Variants in PLD5 observed in about 807,000 individuals in gnomAD.
PLD5 encodes inactive phospholipase D5.
Under a neutral mutation model 61.1 loss-of-function variants are expected in PLD5, and 36 were observed. That is an observed-to-expected ratio of 0.59 (90% CI 0.45 to 0.78). The LOEUF is 0.78. Ranked by LOEUF, PLD5 falls within the 30% of genes least tolerant of loss-of-function variation. The pLI, the probability that PLD5 is intolerant of heterozygous loss-of-function variation, is 0.00. For missense variants in PLD5, 515 were observed against 644.4 expected, an observed-to-expected ratio of 0.80 and a Z score of 2.17; for synonymous variants, 243 against 242.8, an observed-to-expected ratio of 1.00 and a Z score of -0.01.
chr1:242,198,058 AACAAATCCTTGC>A (rs1200504192), intron 5 of PLD5, among the ~76,000 whole-genome samples: 1 of 147,406 alleles, frequency 6.8e-6, no homozygotes, highest in Non-Finnish European at 1.5e-5. Context: ...GCAGAGACTA[AACAAATCCTTGC>A]TGAATGAATG....
chr1:242,085,767 A>G lies in PLD5; in HGVS notation c.*4087T>C, dbSNP rs1659417637. On this transcript the variant is annotated 3_prime_UTR_variant, in exon 10 of 10. Transcript: ENST00000536534. ...ACAATAACAAAGTATCTTTCATTATAGGAAGTGGCTGTTCTATGCAAGTAA... is the reference window on the plus strand; with the variant it reads ...ACAATAACAAAGTATCTTTCATTATGGGAAGTGGCTGTTCTATGCAAGTAA... 6.6e-6 allele frequency: 1 copy of G among 152,212 alleles called. No homozygotes were observed. The highest frequency in any genetic ancestry group is 2.4e-5 in the African/African-American group (1 of 41,460). 9.4% of individuals were successfully genotyped at this position (152,212 alleles called of 1,614,324 possible). A position where few individuals can be genotyped will look rare whatever the true frequency, so the allele number is the denominator to read the frequency against.
At chr1:242,283,148 T>C (rs34835271) in intron 3 of PLD5, among the ~76,000 whole-genome samples, 2 of 152,248 alleles carry the variant, frequency 1.3e-5, no homozygotes, top group African/African-American at 4.8e-5. Flanking sequence ...AAAAAGCACA[T>C]ATTCATCATT....
chr1:242,353,810 T>G (rs1318409935), intron 1 of PLD5, among the ~76,000 whole-genome samples: 1 of 152,140 alleles, frequency 6.6e-6, no homozygotes, highest in Non-Finnish European at 1.5e-5. Flanking sequence ...TGTTTTATAC[T>G]TTTTGGTGTA....
intron 5 of PLD5, among the ~76,000 whole-genome samples, chr1:242,182,370 T>G (rs1257011083): frequency 1.5e-5 from 1 of 64,518 alleles, no homozygotes; most frequent in African/African-American, 7.2e-5. Context: ...GAGTTTTAAG[T>G]GGTTTTGAAA....
intron 4 of PLD5, among the ~76,000 whole-genome samples, chr1:242,255,641 T>A (rs1672973695): frequency 6.6e-6 from 1 of 152,214 alleles, no homozygotes; most frequent in Non-Finnish European, 1.5e-5. Flanking sequence ...TAGGAATATA[T>A]TTTCCCTTTC....
intron 5 of PLD5, among the ~76,000 whole-genome samples, chr1:242,192,562 A>G (rs1668349462): frequency 1.3e-5 from 2 of 151,928 alleles, no homozygotes; most frequent in South Asian, 2.1e-4. Flanking sequence ...CATGTTTGGG[A>G]AAAAAAACAT....
chr1:242,272,224 C>G (rs1246475130), intron 3 of PLD5, among the ~76,000 whole-genome samples: 2 of 151,944 alleles, frequency 1.3e-5, no homozygotes, highest in Non-Finnish European at 2.9e-5. Flanking sequence ...GAGCTGTAAA[C>G]TGAGATGTAC....
chr1:242,279,726 GT>G (rs1674616370), intron 3 of PLD5, among the ~76,000 whole-genome samples: 1 of 152,060 alleles, frequency 6.6e-6, no homozygotes, highest in African/African-American at 2.4e-5. Context: ...TAGAAATGGG[GT>G]TTAACCATGT....
chr1:242,375,132 T>C (rs539490767), intron 1 of PLD5, among the ~76,000 whole-genome samples: 1 of 152,346 alleles, frequency 6.6e-6, no homozygotes, highest in African/African-American at 2.4e-5. Context: ...CCATCCAGCC[T>C]GTCCCTACCA....
intron 1 of PLD5, among the ~76,000 whole-genome samples, chr1:242,494,070 A>C (rs2809980): frequency 0.065 from 1,914 of 29,594 alleles, 23 homozygotes; most frequent in African/African-American, 0.11. Context: ...CCTTCCCTCC[A>C]CTCCCCTCCC....
intron 2 of PLD5, among the ~76,000 whole-genome samples, chr1:242,322,804 TG>T (rs1399495305): frequency 6.6e-6 from 1 of 152,250 alleles, no homozygotes; most frequent in African/African-American, 2.4e-5. Context: ...TCCCCAGCCA[TG>T]CAGAACTGTG....
chr1:242,394,261 A>T (rs1396477138), intron 1 of PLD5, among the ~76,000 whole-genome samples: 1 of 80,726 alleles, frequency 1.2e-5, no homozygotes, highest in Admixed American at 1.7e-4. Flanking sequence ...TATATATATG[A>T]GTATGAGTAT....
intron 1 of PLD5, among the ~76,000 whole-genome samples, chr1:242,364,421 A>C (rs1661229376): frequency 1.3e-5 from 2 of 152,208 alleles, no homozygotes; most frequent in African/African-American, 4.8e-5. Flanking sequence ...AATCAAGTTA[A>C]AAGAATTTTA....
Position 242,378,848 on chromosome 1 carries a change from T to C in PLD5, c.190-30606A>G, listed in dbSNP as rs555990616. Among the ~76,000 whole-genome samples, 6 of 149,638 alleles carry C rather than the reference T, an allele frequency of 4.0e-5. No homozygotes were observed. In the East Asian group the frequency reaches 7.9e-4, roughly 20 times the overall value. On this transcript the variant is annotated intron_variant, in intron 1 of 9. Transcript: ENST00000536534. ...AGAGTGAGACTCTCAAAAATAAAAATAAAACAATAAAAAATACGTTAAAAA... is the reference window on the plus strand; with the variant it reads ...AGAGTGAGACTCTCAAAAATAAAAACAAAACAATAAAAAATACGTTAAAAA...
At chr1:242,309,954 T>C (rs112656946) in intron 2 of PLD5, among the ~76,000 whole-genome samples, 27 of 151,092 alleles carry the variant, frequency 1.8e-4, no homozygotes, top group Non-Finnish European at 3.4e-4. Flanking sequence ...AAATGTACCA[T>C]TTAAAGTTTA....
chr1:242,149,351 T>G lies in PLD5; in HGVS notation c.736-24686A>C, dbSNP rs6668482. Among the ~76,000 whole-genome samples, 1,351 of 151,956 alleles carry G rather than the reference T, an allele frequency of 8.9e-3. 22 individuals carry two copies. Among genetic ancestry groups the G allele is most frequent in the African/African-American group, 0.03 (1,264 of 41,508 alleles). On this transcript the variant is annotated intron_variant, in intron 5 of 9. Transcript: ENST00000536534. ...CATTCCTGAGATAAACTCTACTTGATCATTTTTTATACATTGTTGCATTTA... is the reference window on the plus strand; with the variant it reads ...CATTCCTGAGATAAACTCTACTTGAGCATTTTTTATACATTGTTGCATTTA...
At chr1:242,239,929 G>A (rs1364713714) in intron 4 of PLD5, among the ~76,000 whole-genome samples, 2 of 152,312 alleles carry the variant, frequency 1.3e-5, no homozygotes, top group South Asian at 2.1e-4. Flanking sequence ...TTAACGAAGG[G>A]CTGCCAAAAG....
chr1:242,284,803 G>A (rs574151489), intron 3 of PLD5, among the ~76,000 whole-genome samples: 8 of 152,278 alleles, frequency 5.3e-5, no homozygotes, highest in Admixed American at 5.2e-4. Flanking sequence ...CAGGTATGGC[G>A]AGAACTGCAA....
At chr1:242,437,870 C>T (rs766259262) in intron 1 of PLD5, among the ~76,000 whole-genome samples, 4 of 152,184 alleles carry the variant, frequency 2.6e-5, no homozygotes, top group Non-Finnish European at 4.4e-5. Context: ...TCACATCACA[C>T]AAAGTGCTTG....
Sources: gnomAD v4.1 joint callset for allele counts (sites outside exome capture counted in the v4.1 genomes callset) on GRCh38, gnomAD v4.1.1 for gene constraint, MANE v1.5 for transcripts, NCBI Gene and HGNC (gene_info 2026-07-23, HGNC 2026-07-21) for gene names.